The following MYRFL variants were observed in gnomAD, a reference collection of about 807,000 sequenced individuals.
MYRFL encodes myelin regulatory factor like.
MYRFL carries 88 observed loss-of-function variants against 109.4 expected under a neutral mutation model. The ratio of observed to expected loss-of-function variants is 0.80; its 90% CI spans 0.68 to 0.96. The LOEUF is 0.96. MYRFL is among the 40% of genes least tolerant of loss of function. The pLI is 0.00. For synonymous variants in MYRFL, 324 were observed against 320.9 expected (o/e 1.01, Z -0.10); for missense variants, 957 against 954.9 (o/e 1.00, Z -0.03).
At chr12:69,841,813 G>A (rs1883259450) in intron 1 of MYRFL, among the ~76,000 whole-genome samples, 1 of 152,114 alleles carries the variant, frequency 6.6e-6, no homozygotes, top group Non-Finnish European at 1.5e-5. Flanking sequence ...TTTCTTACTG[G>A]TCTATAAACT....
At chr12:69,921,225 A>G (rs1046996044) in intron 13 of MYRFL, among the ~76,000 whole-genome samples, 1 of 152,022 alleles carries the variant, frequency 6.6e-6, no homozygotes, top group Admixed American at 6.6e-5. Context: ...TTTTTTTTGT[A>G]GAGCTGGGGT....
chr12:69,949,045 T>C (rs527917540), intron 19 of MYRFL, among the ~76,000 whole-genome samples: 3 of 152,294 alleles, frequency 2.0e-5, no homozygotes, highest in Admixed American at 6.5e-5. Context: ...CATTACCCTA[T>C]CTGGGATACA....
chr12:69,872,430 C>G (rs1014740638), intron 2 of MYRFL, among the ~76,000 whole-genome samples: 2 of 152,054 alleles, frequency 1.3e-5, no homozygotes, highest in African/African-American at 4.8e-5. Context: ...CTCAAGTGAT[C>G]CTCCTGCCTC....
intron 13 of MYRFL, among the ~76,000 whole-genome samples, chr12:69,913,018 A>G (rs1205088352): frequency 6.6e-6 from 1 of 151,780 alleles, no homozygotes; most frequent in Non-Finnish European, 1.5e-5. Context: ...GTGTGAGGTG[A>G]TATCTCATTC....
chr12:69,855,387 C>T lies in MYRFL; in HGVS notation c.137+17C>T. The T allele has an allele frequency of 1.4e-6, 1 of 702,330 alleles. No individual in the cohort carries two copies. 43.5% of individuals were successfully genotyped at this position (702,330 alleles called of 1,614,324 possible). A position where few individuals can be genotyped will look rare whatever the true frequency, so the allele number is the denominator to read the frequency against. The stretch of plus-strand genomic sequence containing the variant: ...GGGGGCCTTGTAAGTAATGAGAGCA[C>T]TGCTCTCTAGTTGATGTTTAAAATA... On this transcript the variant is annotated intron_variant, in intron 2 of 24. Coordinates refer to ENST00000552032, the MANE Select transcript of MYRFL (RefSeq NM_182530.3).
chr12:69,941,835 A>T (rs879734189), intron 19 of MYRFL, among the ~76,000 whole-genome samples: 17,117 of 149,970 alleles, frequency 0.11, 1,083 homozygotes, highest in Non-Finnish European at 0.16. Flanking sequence ...AGATGCAATA[A>T]AAAATGATAA....
rs1955463427 is a variant in MYRFL at position 69,936,309 on chromosome 12, C to G, written c.2018C>G (p.Ala673Gly). 2 of 1,536,114 alleles carry G rather than the reference C, an allele frequency of 1.3e-6. No homozygotes were observed. Among genetic ancestry groups the G allele is most frequent in the African/African-American group, 1.4e-5 (1 of 72,960 alleles). Residue 673 changes from alanine (A) to glycine (G), a missense_variant, in exon 18 of 25, where the codon GCT becomes GGT. Ala to Gly is a moderately conservative substitution (Grantham distance 60, BLOSUM62 0). Transcript: ENST00000552032. The stretch of plus-strand genomic sequence containing the variant: ...AATATCACAAGCTCACAGGAGCCAG[C>G]TCTGCTGCCCACAGCCTCCTCCTCA... ...PSNITSSQEP[A>G]LLPTASSSAP...
In MYRFL at chr12:69,880,951, G is replaced by GTTTT. The variant is rs71094746; in HGVS notation, c.556+674_556+677dup. Among the ~76,000 whole-genome samples, 10 of 112,632 alleles carry GTTTT rather than the reference G, an allele frequency of 8.9e-5. 1 individual carries two copies. The highest frequency in any genetic ancestry group is 3.0e-4 in the South Asian group (1 of 3,356). The allele number at this position is 112,632 out of a possible 152,430, so 73.9% of individuals were successfully genotyped here. A position where few individuals can be genotyped will look rare whatever the true frequency, so the allele number is the denominator to read the frequency against. On this transcript the variant is annotated intron_variant, in intron 5 of 24. Coordinates refer to ENST00000552032, the MANE Select transcript of MYRFL (RefSeq NM_182530.3). Reference sequence around the variant, plus strand: ...TAATGTCCAAGCGGTCAGCCTTCCTGTTTTTTTTTTTTTTTTTTGTCTTAT... The same window carrying GTTTT: ...TAATGTCCAAGCGGTCAGCCTTCCTGTTTTTTTTTTTTTTTTTTTTTTGTCTTAT...
At chr12:69,932,665 A>G (rs1233878704) in intron 16 of MYRFL, 67 bp downstream of exon 16, 1 of 1,193,254 alleles carries the variant, frequency 8.4e-7, no homozygotes, top group East Asian at 2.5e-5. Flanking sequence ...CTTTTATCAC[A>G]TATGAACTGG....
chr12:69,867,338 T>C (rs1019614741), intron 2 of MYRFL, among the ~76,000 whole-genome samples: 1 of 152,194 alleles, frequency 6.6e-6, no homozygotes, highest in Non-Finnish European at 1.5e-5. Flanking sequence ...AGAAGTGTTA[T>C]ATGCACGTGT....
chr12:69,893,719 TTTAATTAA>T, intron 7 of MYRFL, 37 bp from the exon 8 acceptor site: 1 of 1,164,286 alleles, frequency 8.6e-7, no homozygotes, highest in Middle Eastern at 2.3e-4. Flanking sequence ...TGATTAACAT[TTTAATTAA>T]TTAATTAATT....
chr12:69,910,703 G>T, intron 12 of MYRFL, 118 bp from the exon 13 acceptor site: 1 of 608,444 alleles, frequency 1.6e-6, no homozygotes, highest in Non-Finnish European at 2.7e-6. Context: ...AGTGGTTCTT[G>T]GCTCAAAATT....
At chr12:69,954,966 G>A (rs997483680) in intron 21 of MYRFL, among the ~76,000 whole-genome samples, 4 of 152,040 alleles carry the variant, frequency 2.6e-5, no homozygotes, top group Non-Finnish European at 5.9e-5. Flanking sequence ...TAGAAAAAAT[G>A]TATTTATTAT....
At position 69,952,195 on chromosome 12, in the gene MYRFL, A is replaced by G. The variant is rs1315352968; in HGVS notation, c.2287+20A>G. On this transcript the variant is annotated intron_variant, in intron 20 of 24. Transcript: ENST00000552032. ...GTGACTGTAAGTTGACATTTAAGTG[A>G]CACTATTCTTTGGCTTTGCGGGGCC... The G allele has an allele frequency of 1.3e-6, 2 of 1,535,326 alleles. No individual in the cohort carries two copies. The highest frequency in any genetic ancestry group is 1.7e-6 in the Non-Finnish European group (2 of 1,146,154).
In MYRFL at chr12:69,880,311, G is replaced by C. The variant is rs149391017; in HGVS notation, c.556+19G>C. 3.6e-3 allele frequency: 2,555 copies of C among 701,548 alleles called. 8 individuals carry two copies. Among genetic ancestry groups the C allele is most frequent in the Non-Finnish European group, 5.5e-3 (2,124 of 384,368 alleles). 43.5% of individuals were successfully genotyped at this position (701,548 alleles called of 1,614,324 possible). On this transcript the variant is annotated intron_variant, in intron 5 of 24. Coordinates refer to ENST00000552032, the MANE Select transcript of MYRFL (RefSeq NM_182530.3). ...AGACCGAGTGAGCAAACCTGGGTGG[G>C]AACAAGGGCGATGCCATCAAAGCCT...
At chr12:69,852,794 C>T (rs145428142) in intron 1 of MYRFL, among the ~76,000 whole-genome samples, 2 of 151,478 alleles carry the variant, frequency 1.3e-5, no homozygotes, top group African/African-American at 4.9e-5. Context: ...TGACTCTTAA[C>T]GAGCGTGCTG....
At chr12:69,920,750 G>A (rs1042772072) in intron 13 of MYRFL, among the ~76,000 whole-genome samples, 5 of 152,186 alleles carry the variant, frequency 3.3e-5, no homozygotes, top group Admixed American at 6.5e-5. Context: ...GAGGGCTGTA[G>A]TGAAAGATGA....
chr12:69,910,508 A>G (rs1042515147), intron 12 of MYRFL, among the ~76,000 whole-genome samples: 3 of 152,036 alleles, frequency 2.0e-5, no homozygotes, highest in Non-Finnish European at 4.4e-5. Flanking sequence ...AGGAAGGAAT[A>G]AAGGAATATT....
intron 7 of MYRFL, among the ~76,000 whole-genome samples, chr12:69,892,633 C>A (rs1158522444): frequency 6.6e-6 from 1 of 152,166 alleles, no homozygotes; most frequent in Non-Finnish European, 1.5e-5. Context: ...GGCTGCTGCA[C>A]ACATAACTGT....
Sources: gnomAD v4.1 joint callset for allele counts (sites outside exome capture counted in the v4.1 genomes callset) on GRCh38, gnomAD v4.1.1 for gene constraint, MANE v1.5 for transcripts, NCBI Gene and HGNC (gene_info 2026-07-23, HGNC 2026-07-21) for gene names.